Variants in ALK observed in about 807,000 individuals in gnomAD.
ALK encodes the protein ALK tyrosine kinase receptor.
A neutral mutation model predicts 163.1 loss-of-function variants in ALK; 74 were observed. The ratio of observed to expected loss-of-function variants is 0.45; its 90% CI spans 0.38 to 0.55. ALK has a LOEUF of 0.55. Ranked by LOEUF, ALK falls within the 20% of genes least tolerant of loss-of-function variation. The probability of loss-of-function intolerance (pLI) is 0.00; values close to 1 mark genes in which losing one functional copy is unlikely to be tolerated. For missense variants in ALK, 2,063 were observed against 2,105.3 expected, an observed-to-expected ratio of 0.98 and a Z score of 0.39; for synonymous variants, 960 against 843.2, an observed-to-expected ratio of 1.14 and a Z score of -2.40.
intron 3 of ALK, among the ~76,000 whole-genome samples, chr2:29,628,163 G>T (rs1388948741): frequency 6.6e-6 from 1 of 152,140 alleles, no homozygotes; most frequent in Admixed American, 6.6e-5. Context: ...CTTTCATTAT[G>T]ATTTCAGATA....
At chr2:29,220,671 CACA>C (rs759013037) in intron 23 of ALK, 32 bp downstream of exon 23, 15 of 1,612,702 alleles carry the variant, frequency 9.3e-6, no homozygotes, top group East Asian at 4.5e-5. Flanking sequence ...CTGTCCTTGG[CACA>C]ACAACTGCAG....
intron 4 of ALK, among the ~76,000 whole-genome samples, chr2:29,447,777 G>T (rs78704437): frequency 6.6e-6 from 1 of 152,084 alleles, no homozygotes; most frequent in African/African-American, 2.4e-5. Context: ...AGAAACCCAC[G>T]CACACATCTT....
At chr2:29,467,220 A>G (rs900153978) in intron 4 of ALK, among the ~76,000 whole-genome samples, 1 of 139,932 alleles carries the variant, frequency 7.1e-6, no homozygotes, top group Non-Finnish European at 1.6e-5. Flanking sequence ...GAGCAATCTT[A>G]TGGAGAGTCT....
intron 4 of ALK, among the ~76,000 whole-genome samples, chr2:29,441,855 C>A (rs1237091412): frequency 2.0e-5 from 3 of 152,142 alleles, no homozygotes; most frequent in African/African-American, 7.2e-5. Context: ...CCCAGGAATG[C>A]CCCTCTGCTG....
chr2:29,318,185 T>G, intron 8 of ALK, 119 bp downstream of exon 8: 1 of 798,242 alleles, frequency 1.3e-6, no homozygotes, highest in Non-Finnish European at 2.2e-6. Flanking sequence ...GTGGCCCTCT[T>G]GTTCTCTCCC....
At chr2:29,350,583 C>A (rs948068565) in intron 5 of ALK, among the ~76,000 whole-genome samples, 1 of 152,162 alleles carries the variant, frequency 6.6e-6, no homozygotes, top group African/African-American at 2.4e-5. Flanking sequence ...TGGTGCTGTG[C>A]TTCTGAACCA....
chr2:29,781,279 A>C (rs1681323888), intron 1 of ALK, among the ~76,000 whole-genome samples: 1 of 152,220 alleles, frequency 6.6e-6, no homozygotes, highest in African/African-American at 2.4e-5. Flanking sequence ...CTACCTTGGC[A>C]GGGCGATTCC....
At chr2:29,232,757 G>A (rs1312445452) in intron 14 of ALK, among the ~76,000 whole-genome samples, 1 of 152,186 alleles carries the variant, frequency 6.6e-6, no homozygotes, top group East Asian at 1.9e-4. Flanking sequence ...CCCCTTTCCT[G>A]AAGCTCCTTA....
rs1573368801 is a variant in ALK at position 29,454,803 on chromosome 2, A to ATAC, written c.1155-70947_1155-70945dup. 3.3e-5 allele frequency among the ~76,000 whole-genome samples: 5 copies of ATAC among 152,176 alleles called. No individual in the cohort carries two copies. The East Asian group carries it at 9.6e-4, about 29-fold the overall frequency. On this transcript the variant is annotated intron_variant, in intron 4 of 28. Transcript: ENST00000389048. Reference sequence around the variant, plus strand: ...CATCACCTAGTACATAAGTGCCTATATACTGGGCACATAATTGGCAATTGA... The same window carrying ATAC: ...CATCACCTAGTACATAAGTGCCTATATACTACTGGGCACATAATTGGCAATTGA...
In ALK at chr2:29,817,514, G is replaced by A. The variant is rs548982281; in HGVS notation, c.668-99817C>T. Among the ~76,000 whole-genome samples the A allele has an allele frequency of 2.6e-5, 4 of 152,274 alleles. No individual in the cohort carries two copies. In the South Asian group the frequency reaches 6.2e-4, roughly 24 times the overall value. On this transcript the variant is annotated intron_variant, in intron 1 of 28. Transcript: ENST00000389048. ...CACTCTGTCCCAGTGGAGGGGACCCGCAGGTTGGAAAAACTGAAAGTTTCA... is the reference window on the plus strand; with the variant it reads ...CACTCTGTCCCAGTGGAGGGGACCCACAGGTTGGAAAAACTGAAAGTTTCA...
intron 1 of ALK, among the ~76,000 whole-genome samples, chr2:29,851,853 A>G (rs532499245): frequency 6.6e-6 from 1 of 152,268 alleles, no homozygotes; most frequent in Non-Finnish European, 1.5e-5. Context: ...GCTCTGGGAG[A>G]GGGTAGAGCA....
At chr2:29,635,134 G>T (rs1676483324) in intron 3 of ALK, among the ~76,000 whole-genome samples, 1 of 152,180 alleles carries the variant, frequency 6.6e-6, no homozygotes, top group South Asian at 2.1e-4. Context: ...AATCAAAGAA[G>T]AGCTACATAA....
At chr2:29,696,292 C>A (rs34679356) in intron 2 of ALK, among the ~76,000 whole-genome samples, 1 of 152,126 alleles carries the variant, frequency 6.6e-6, no homozygotes, top group Middle Eastern at 3.4e-3. Context: ...GAACAGAAAA[C>A]CAAATACGGC....
chr2:29,731,159 T>C (rs1018677208), intron 1 of ALK, among the ~76,000 whole-genome samples: 7 of 152,204 alleles, frequency 4.6e-5, no homozygotes, highest in South Asian at 2.1e-4. Context: ...TTGGCTCCTA[T>C]CTCTACTCTG....
intron 4 of ALK, among the ~76,000 whole-genome samples, chr2:29,448,083 T>C (rs1430766781): frequency 2.0e-5 from 3 of 152,228 alleles, no homozygotes; most frequent in African/African-American, 7.2e-5. Flanking sequence ...TCTATTATTC[T>C]TTCCTGTGGC....
intron 1 of ALK, among the ~76,000 whole-genome samples, chr2:29,753,276 C>A (rs975935657): frequency 2.0e-5 from 3 of 152,180 alleles, no homozygotes; most frequent in Middle Eastern, 3.2e-3. Context: ...ATAACAAGTG[C>A]GATTTGATCT....
chr2:29,713,257 A>G (rs535500736), intron 2 of ALK, among the ~76,000 whole-genome samples: 1 of 152,244 alleles, frequency 6.6e-6, no homozygotes, highest in African/African-American at 2.4e-5. Context: ...GTATGGTCTC[A>G]TTTTTATTTG....
chr2:29,781,966 T>C (rs1681343746), intron 1 of ALK, among the ~76,000 whole-genome samples: 1 of 152,184 alleles, frequency 6.6e-6, no homozygotes, highest in South Asian at 2.1e-4. Context: ...GGAGTCAAGT[T>C]AGTGTCAAAA....
intron 6 of ALK, among the ~76,000 whole-genome samples, chr2:29,326,198 C>T (rs529383532): frequency 6.6e-6 from 1 of 152,204 alleles, no homozygotes; most frequent in Non-Finnish European, 1.5e-5. Flanking sequence ...AAGTAGACTG[C>T]CCTGAAGCTT....
Sources: gnomAD v4.1 joint callset for allele counts (sites outside exome capture counted in the v4.1 genomes callset) on GRCh38, gnomAD v4.1.1 for gene constraint, MANE v1.5 for transcripts, NCBI Gene and HGNC (gene_info 2026-07-23, HGNC 2026-07-21) for gene names.